The following OR5D3 variants were observed in gnomAD, a reference collection of about 807,000 sequenced individuals.
The protein encoded by OR5D3 is olfactory receptor 5D3.
chr11:55,728,532 T>C, the OR5D3 span: 1 of 152,124 alleles, frequency 6.6e-6, no homozygotes, highest in African/African-American at 2.4e-5. Flanking sequence ...CTGGTTGAGA[T>C]TAAGTATAAG....
the OR5D3 span, chr11:55,724,014 A>G: frequency 5.0e-6 from 2 of 398,084 alleles, no homozygotes; most frequent in Non-Finnish European, 4.4e-6. Context: ...TCAGCAAAAG[A>G]TCCTTCAGTA....
At chr11:55,728,501 T>C in the OR5D3 span, 2 of 152,118 alleles carry the variant, frequency 1.3e-5, no homozygotes, top group Admixed American at 6.6e-5. Flanking sequence ...TTGAAATAAT[T>C]TGATTGCCTT....
At chr11:55,728,588 A>T in the OR5D3 span, 4 of 152,122 alleles carry the variant, frequency 2.6e-5, no homozygotes, top group African/African-American at 9.7e-5. Flanking sequence ...ATTAAGGCTT[A>T]CAAGCACAGA....
chr11:55,724,365 C>A, the OR5D3 span, among the ~76,000 whole-genome samples: 1 of 151,972 alleles, frequency 6.6e-6, no homozygotes, highest in Non-Finnish European at 1.5e-5. Flanking sequence ...ATAAGCGAGA[C>A]TAATAACCAA....
the OR5D3 span, chr11:55,728,132 C>A: frequency 6.6e-6 from 1 of 151,992 alleles, no homozygotes; most frequent in African/African-American, 2.4e-5. Context: ...GTATGTATGT[C>A]ATCTTCTTTG....
chr11:55,729,476 T>C, the OR5D3 span: 2 of 152,026 alleles, frequency 1.3e-5, no homozygotes, highest in Non-Finnish European at 2.9e-5. Flanking sequence ...GATTAACAAC[T>C]ATAAAAATTA....
chr11:55,729,054 A>G, the OR5D3 span: 4 of 152,020 alleles, frequency 2.6e-5, no homozygotes, highest in Non-Finnish European at 5.9e-5. Context: ...GTAATTTGGT[A>G]GGTTTCTTTT....
the OR5D3 span, chr11:55,726,361 AG>A: frequency 2.1e-6 from 1 of 468,822 alleles, no homozygotes; most frequent in Non-Finnish European, 3.9e-6. Flanking sequence ...CATGGTCATC[AG>A]GATCAACCCC....
chr11:55,726,377 T>G, the OR5D3 span: 16 of 472,820 alleles, frequency 3.4e-5, no homozygotes, highest in Admixed American at 2.6e-4. Context: ...AACCCCAAAC[T>G]CCACACCCCT....
chr11:55,725,320 T>C, the OR5D3 span, among the ~76,000 whole-genome samples: 1 of 152,082 alleles, frequency 6.6e-6, no homozygotes, highest in Non-Finnish European at 1.5e-5. Flanking sequence ...AAGAATACTA[T>C]GGTGTCCTGT....
At chr11:55,728,651 T>G in the OR5D3 span, 1 of 152,096 alleles carries the variant, frequency 6.6e-6, no homozygotes, top group South Asian at 2.1e-4. Flanking sequence ...AAGTGATACT[T>G]GTTTCCCCTC....
At chr11:55,726,727 A>G in the OR5D3 span, 1 of 399,064 alleles carries the variant, frequency 2.5e-6, no homozygotes, top group Non-Finnish European at 4.4e-6. Context: ...TTGTAGGACT[A>G]ACTTCATTAA....
the OR5D3 span, among the ~76,000 whole-genome samples, chr11:55,725,638 A>C: frequency 2.5e-3 from 376 of 152,184 alleles, no homozygotes; most frequent in Non-Finnish European, 3.9e-3. Context: ...AGTTGAGTTC[A>C]ACATGCATGA....
At chr11:55,726,507 C>T in the OR5D3 span, 16 of 436,330 alleles carry the variant, frequency 3.7e-5, no homozygotes, top group African/African-American at 3.2e-4. Flanking sequence ...CAGGATGCAT[C>T]ATGCAATTCT....
the OR5D3 span, chr11:55,727,018 C>T: frequency 7.5e-6 from 3 of 401,544 alleles, no homozygotes; most frequent in African/African-American, 4.1e-5. Context: ...AAGTTCATGG[C>T]TCATGGTCAA....
the OR5D3 span, chr11:55,723,970 T>A: frequency 2.5e-6 from 1 of 397,868 alleles, no homozygotes. Context: ...ATTAATTAAG[T>A]GCTAAGCGGG....
the OR5D3 span, chr11:55,727,248 T>G: frequency 2.5e-6 from 1 of 396,826 alleles, no homozygotes; most frequent in Non-Finnish European, 4.4e-6. Context: ...ACCCTCCAAC[T>G]GACAGTACAA....
At chr11:55,728,218 T>C in the OR5D3 span, 8 of 151,132 alleles carry the variant, frequency 5.3e-5, no homozygotes, top group Non-Finnish European at 8.8e-5. Context: ...TACTTAACGT[T>C]CCTGTTTGGG....
the OR5D3 span, chr11:55,728,298 T>A: frequency 6.6e-6 from 1 of 152,098 alleles, no homozygotes; most frequent in African/African-American, 2.4e-5. Context: ...TTGAGAAAGT[T>A]ATCTATTTCT....
Sources: gnomAD v4.1 joint callset for allele counts (sites outside exome capture counted in the v4.1 genomes callset) on GRCh38, gnomAD v4.1.1 for gene constraint, MANE v1.5 for transcripts, NCBI Gene and HGNC (gene_info 2026-07-23, HGNC 2026-07-21) for gene names.